Variants in IL1RAPL2 observed in about 807,000 individuals in gnomAD.
The protein encoded by IL1RAPL2 is X-linked interleukin-1 receptor accessory protein-like 2.
A neutral mutation model predicts 44.1 loss-of-function variants in IL1RAPL2; 3 were observed. The observed-to-expected ratio is 0.07, with a 90% CI of 0.03 to 0.18. The LOEUF is 0.18. Among genes scored for constraint, IL1RAPL2 ranks in the 10% least tolerant of loss-of-function variants. IL1RAPL2 has a pLI of 1.00. For synonymous variants in IL1RAPL2, 181 were observed against 178.8 expected (o/e 1.01, Z -0.10); for missense variants, 391 against 496.4 (o/e 0.79, Z 2.02).
At chrX:105,406,663 G>A in intron 5 of IL1RAPL2, 1 of 1,140,832 alleles carries the variant, frequency 8.8e-7, no homozygotes, top group Non-Finnish European at 1.2e-6. Flanking sequence ...AATCTTGAAT[G>A]AGCTGATCTC....
intron 5 of IL1RAPL2, among the ~76,000 whole-genome samples, chrX:105,292,783 C>A (rs1180455659): frequency 2.7e-5 from 3 of 110,789 alleles, no homozygotes; most frequent in Non-Finnish European, 5.7e-5. Context: ...CCTATATAAA[C>A]AAAAGCTTCT....
intron 5 of IL1RAPL2, among the ~76,000 whole-genome samples, chrX:105,372,659 A>G (rs73525370): frequency 0.15 from 16,184 of 110,243 alleles, 2,951 homozygotes; most frequent in African/African-American, 0.51. Context: ...AGGCCCCAGC[A>G]TCTGTTGTTC....
intron 2 of IL1RAPL2, among the ~76,000 whole-genome samples, chrX:104,900,553 G>A (rs1361344555): frequency 4.5e-5 from 5 of 111,482 alleles, no homozygotes; most frequent in Admixed American, 1.9e-4. Flanking sequence ...CTGTACATTT[G>A]TAGGTCAGCT....
chrX:105,039,094 A>G (rs1400404192), intron 2 of IL1RAPL2, among the ~76,000 whole-genome samples: 1 of 111,866 alleles, frequency 8.9e-6, no homozygotes, highest in Non-Finnish European at 1.9e-5. Flanking sequence ...AGGGAAGATT[A>G]AAAGAACAAA....
intron 2 of IL1RAPL2, among the ~76,000 whole-genome samples, chrX:104,926,516 A>C: frequency 8.9e-6 from 1 of 111,870 alleles, no homozygotes; most frequent in East Asian, 2.8e-4. Flanking sequence ...TGTGAAGATT[A>C]GATTGTCCTG....
chrX:104,931,835 G>A (rs1295850222), intron 2 of IL1RAPL2, among the ~76,000 whole-genome samples: 1 of 109,620 alleles, frequency 9.1e-6, no homozygotes, highest in Non-Finnish European at 1.9e-5. Flanking sequence ...GGATCAAGAA[G>A]CTTTAACTTT....
intron 2 of IL1RAPL2, among the ~76,000 whole-genome samples, chrX:104,821,767 G>A (rs1458143182): frequency 9.0e-6 from 1 of 111,687 alleles, no homozygotes. Context: ...CCCAGTAATG[G>A]GATTGCTGGG....
At chrX:105,135,363 CCAAA>C (rs1051286779) in intron 2 of IL1RAPL2, among the ~76,000 whole-genome samples, 1 of 111,145 alleles carries the variant, frequency 9.0e-6, no homozygotes, top group African/African-American at 3.3e-5. Context: ...CAAAGGCTGA[CCAAA>C]CATCAAAATT....
chrX:104,738,583 T>C (rs1377060210), intron 2 of IL1RAPL2, among the ~76,000 whole-genome samples: 1 of 111,451 alleles, frequency 9.0e-6, no homozygotes. Context: ...GCTAAGTGGG[T>C]GGGTATAGTA....
chrX:105,678,366 TTTAG>T (rs2037892163), intron 6 of IL1RAPL2, among the ~76,000 whole-genome samples: 1 of 112,022 alleles, frequency 8.9e-6, no homozygotes, highest in Non-Finnish European at 1.9e-5. Flanking sequence ...GTTATACTCA[TTTAG>T]TTATTTTTAA....
intron 7 of IL1RAPL2, among the ~76,000 whole-genome samples, chrX:105,727,561 A>T (rs2038362328): frequency 2.7e-5 from 3 of 111,516 alleles, no homozygotes; most frequent in African/African-American, 9.8e-5. Context: ...GAAGAGTATA[A>T]ACTCTCTGGT....
chrX:104,652,992 T>C (rs1472113293), intron 1 of IL1RAPL2, among the ~76,000 whole-genome samples: 1 of 110,445 alleles, frequency 9.1e-6, no homozygotes, highest in African/African-American at 3.3e-5. Flanking sequence ...GGAGAGTTGC[T>C]GGGGAAAAGG....
At chrX:104,631,039 C>A (rs750166498) in intron 1 of IL1RAPL2, among the ~76,000 whole-genome samples, 11 of 110,451 alleles carry the variant, frequency 1.0e-4, no homozygotes, top group Non-Finnish European at 1.9e-4. Flanking sequence ...CTACCTGTGT[C>A]CATGTGTTCT....
At chrX:105,377,541 G>GA (rs748878353) in intron 5 of IL1RAPL2, among the ~76,000 whole-genome samples, 4 of 110,612 alleles carry the variant, frequency 3.6e-5, no homozygotes, top group East Asian at 2.8e-4. Context: ...ATGCTAGTTA[G>GA]AAAAAAAATC....
Position 104,694,615 on chromosome X carries a change from G to A in IL1RAPL2, c.82+35620G>A, listed in dbSNP as rs768269727. On this transcript the variant is annotated intron_variant, in intron 2 of 10. Transcript: ENST00000372582. ...AATGGGGTCCAGAGCCCAGGAGGGC[G>A]GGCTAAAAAAATAGAGACAGTTCTT... is the stretch of plus-strand genomic sequence containing the variant. 6.3e-5 allele frequency among the ~76,000 whole-genome samples: 7 copies of A among 110,948 alleles called. No homozygotes were observed. In the South Asian group the frequency reaches 1.5e-3, roughly 24 times the overall value.
chrX:105,600,935 A>G (rs2037247490), intron 6 of IL1RAPL2, among the ~76,000 whole-genome samples: 1 of 111,373 alleles, frequency 9.0e-6, no homozygotes, highest in South Asian at 3.7e-4. Flanking sequence ...CTAATTCATT[A>G]TTTGCCAATC....
At chrX:105,559,680 C>T (rs183455585) in intron 6 of IL1RAPL2, among the ~76,000 whole-genome samples, 210 of 111,725 alleles carry the variant, frequency 1.9e-3, no homozygotes, top group Non-Finnish European at 3.1e-3. Context: ...GCTGCTGTCA[C>T]TGCTGCCATG....
At chrX:104,635,503 T>G (rs1929777316) in intron 1 of IL1RAPL2, among the ~76,000 whole-genome samples, 1 of 112,091 alleles carries the variant, frequency 8.9e-6, no homozygotes, top group Admixed American at 9.5e-5. Context: ...ATTTAATCTT[T>G]TCACATAGTC....
intron 2 of IL1RAPL2, among the ~76,000 whole-genome samples, chrX:104,988,328 T>C (rs2030599542): frequency 8.9e-6 from 1 of 112,500 alleles, no homozygotes; most frequent in South Asian, 3.7e-4. Flanking sequence ...TTCTACTTGC[T>C]CACTAAACAC....
Sources: allele counts gnomAD v4.1 joint callset (sites outside exome capture counted in the v4.1 genomes callset), GRCh38; gene constraint gnomAD v4.1.1; transcripts MANE v1.5; gene names NCBI Gene and HGNC (gene_info 2026-07-23, HGNC 2026-07-21).